The following CDH12 variants were observed in gnomAD, a reference collection of about 807,000 sequenced individuals.
The protein encoded by CDH12 is cadherin-12.
CDH12 carries 41 observed loss-of-function variants against 74.1 expected under a neutral mutation model. The observed-to-expected ratio is 0.55, with a 90% CI of 0.43 to 0.72. The LOEUF (loss-of-function observed/expected upper bound fraction) is 0.72. CDH12 is among the 30% of genes least tolerant of loss of function. The pLI is 0.00. For synonymous variants in CDH12, 399 were observed against 355.0 expected (o/e 1.12, Z -1.39); for missense variants, 945 against 977.2 (o/e 0.97, Z 0.44).
At chr5:21,845,469 TC>T (rs773345813) in intron 7 of CDH12, among the ~76,000 whole-genome samples, 7 of 151,776 alleles carry the variant, frequency 4.6e-5, no homozygotes, top group Non-Finnish European at 8.8e-5. Flanking sequence ...CCTAACCTTC[TC>T]CAAACTTCTT....
intron 6 of CDH12, among the ~76,000 whole-genome samples, chr5:21,931,630 C>T (rs568835120): frequency 2.6e-5 from 4 of 152,306 alleles, no homozygotes; most frequent in African/African-American, 7.2e-5. Flanking sequence ...TTATAGTGAG[C>T]ACAGTCTGAC....
intron 1 of CDH12, among the ~76,000 whole-genome samples, chr5:22,719,864 G>A (rs1743785540): frequency 6.6e-6 from 1 of 152,140 alleles, no homozygotes; most frequent in East Asian, 1.9e-4. Flanking sequence ...CTCTCTGTTA[G>A]AGTAGGCAGA....
intron 2 of CDH12, among the ~76,000 whole-genome samples, chr5:22,437,752 C>T (rs1744465172): frequency 6.6e-6 from 1 of 151,782 alleles, no homozygotes; most frequent in African/African-American, 2.4e-5. Context: ...TTTGTGATCA[C>T]AAAATGTTTA....
At chr5:22,384,567 T>A (rs1421469762) in intron 3 of CDH12, among the ~76,000 whole-genome samples, 6 of 151,670 alleles carry the variant, frequency 4.0e-5, no homozygotes, top group African/African-American at 1.2e-4. Flanking sequence ...AGAAAATGTC[T>A]TTTTTATCCA....
intron 1 of CDH12, among the ~76,000 whole-genome samples, chr5:22,735,550 T>A (rs111871042): frequency 5.3e-4 from 80 of 152,068 alleles, no homozygotes; most frequent in African/African-American, 1.8e-3. Context: ...CCGAATGTCA[T>A]CTTTCAAGTT....
chr5:22,712,587 A>G (rs114935567), intron 1 of CDH12, among the ~76,000 whole-genome samples: 1,580 of 152,296 alleles, frequency 0.01, 30 homozygotes, highest in African/African-American at 0.036. Context: ...TGATATGAAA[A>G]TAACTAATTG....
chr5:22,425,092 A>C (rs1052160679), intron 2 of CDH12, among the ~76,000 whole-genome samples: 4 of 145,286 alleles, frequency 2.8e-5, no homozygotes, highest in Non-Finnish European at 6.0e-5. Flanking sequence ...AGAGAGAGAG[A>C]GAGAGAGAGA....
At chr5:22,852,101 T>G (rs752173706) in intron 1 of CDH12, among the ~76,000 whole-genome samples, 3 of 152,170 alleles carry the variant, frequency 2.0e-5, no homozygotes, top group Non-Finnish European at 1.5e-5. Context: ...TGTAAGGTAA[T>G]TTTCTAGCTG....
chr5:22,402,882 G>A (rs1383774247), intron 3 of CDH12, among the ~76,000 whole-genome samples: 1 of 152,112 alleles, frequency 6.6e-6, no homozygotes, highest in Non-Finnish European at 1.5e-5. Context: ...ATACATAGTA[G>A]ACCCACAATG....
Position 22,447,496 on chromosome 5 carries a change from A to C in CDH12, c.-427-42145T>G, listed in dbSNP as rs60456129. On this transcript the variant is annotated intron_variant, in intron 2 of 14. Transcript: ENST00000382254. ...GATATAAAAAATTCTGATGTATTTA[A>C]TCAGTGGAGACAGTAACACAGGAAG... Among the ~76,000 whole-genome samples the C allele has an allele frequency of 3.3e-3, 495 of 152,222 alleles. 4 individuals are homozygous for C. Among genetic ancestry groups the C allele is most frequent in the African/African-American group, 0.011 (473 of 41,568 alleles).
At chr5:22,773,196 G>C (rs1424062601) in intron 1 of CDH12, among the ~76,000 whole-genome samples, 1 of 151,894 alleles carries the variant, frequency 6.6e-6, no homozygotes, top group Non-Finnish European at 1.5e-5. Flanking sequence ...GAATTACCAA[G>C]GCAATCCTAA....
intron 6 of CDH12, among the ~76,000 whole-genome samples, chr5:21,948,594 T>C (rs1294346109): frequency 6.6e-6 from 1 of 152,172 alleles, no homozygotes; most frequent in Non-Finnish European, 1.5e-5. Context: ...CAGATGAGAC[T>C]TTGAACTGTG....
intron 6 of CDH12, chr5:21,883,053 C>A: frequency 3.1e-6 from 5 of 1,610,490 alleles, no homozygotes; most frequent in Non-Finnish European, 4.2e-6. Context: ...AATTGCTGAA[C>A]TTAAAAAGCA....
At chr5:22,264,475 CAGAGATATCAGGTAA>C (rs1301124015) in intron 3 of CDH12, among the ~76,000 whole-genome samples, 1 of 151,978 alleles carries the variant, frequency 6.6e-6, no homozygotes, top group African/African-American at 2.4e-5. Context: ...ATATCTTAAA[CAGAGATATCAGGTAA>C]AGAAGTATAA....
intron 6 of CDH12, among the ~76,000 whole-genome samples, chr5:21,910,893 G>A (rs1275799883): frequency 2.0e-5 from 3 of 152,064 alleles, no homozygotes; most frequent in Non-Finnish European, 2.9e-5. Flanking sequence ...ATCCCAGAGG[G>A]TAAGGGAGCT....
chr5:21,909,725 G>C (rs919952631), intron 6 of CDH12, among the ~76,000 whole-genome samples: 2 of 152,140 alleles, frequency 1.3e-5, no homozygotes, highest in Middle Eastern at 3.4e-3. Context: ...TTTTAGGTTC[G>C]CCTCCTTAGA....
chr5:22,117,523 A>AAT (rs60686782), intron 4 of CDH12, among the ~76,000 whole-genome samples: 722 of 65,550 alleles, frequency 0.011, 11 homozygotes, highest in African/African-American at 0.02. Flanking sequence ...ATATATATAT[A>AAT]ATATATATAT....
chr5:21,840,038 A>G (rs779832494), intron 8 of CDH12, among the ~76,000 whole-genome samples: 8 of 152,212 alleles, frequency 5.3e-5, no homozygotes, highest in Non-Finnish European at 1.0e-4. Flanking sequence ...ATTTTCATCT[A>G]TTACAAAACT....
chr5:22,367,411 T>A (rs1028220809), intron 3 of CDH12, among the ~76,000 whole-genome samples: 2 of 152,224 alleles, frequency 1.3e-5, no homozygotes, highest in Non-Finnish European at 2.9e-5. Context: ...TGTTATATAA[T>A]CCCATATAAT....
Sources: gnomAD v4.1 joint callset for allele counts (sites outside exome capture counted in the v4.1 genomes callset) on GRCh38, gnomAD v4.1.1 for gene constraint, MANE v1.5 for transcripts, NCBI Gene and HGNC (gene_info 2026-07-23, HGNC 2026-07-21) for gene names.